CDH4: variants seen among roughly 807,000 people sequenced by gnomAD.
CDH4 encodes the protein cadherin 4, also known as cadherin-4.
Under a neutral mutation model 86.0 loss-of-function variants are expected in CDH4, and 33 were observed. The ratio of observed to expected loss-of-function variants is 0.38; its 90% CI spans 0.29 to 0.51. CDH4 has a LOEUF of 0.51. Ranked by LOEUF, CDH4 falls within the 20% of genes least tolerant of loss-of-function variation. The pLI, the probability that CDH4 is intolerant of heterozygous loss-of-function variation, is 0.86. For synonymous variants in CDH4, 555 were observed against 549.4 expected (o/e 1.01, Z -0.14); for missense variants, 1,114 against 1,307.4 (o/e 0.85, Z 2.28).
At chr20:61,728,149 A>G (rs1489704629) in intron 2 of CDH4, among the ~76,000 whole-genome samples, 4 of 135,604 alleles carry the variant, frequency 2.9e-5, no homozygotes, top group South Asian at 5.9e-4. Context: ...TCTAAACCCC[A>G]TCAGCCATAG....
At chr20:61,649,595 C>T (rs748548141) in intron 2 of CDH4, among the ~76,000 whole-genome samples, 3 of 152,302 alleles carry the variant, frequency 2.0e-5, no homozygotes, top group South Asian at 2.1e-4. Context: ...ACAGGTGCAT[C>T]GCTTCCTGCA....
At chr20:61,426,699 G>T (rs2085217300) in intron 2 of CDH4, among the ~76,000 whole-genome samples, 1 of 152,238 alleles carries the variant, frequency 6.6e-6, no homozygotes, top group Admixed American at 6.5e-5. Flanking sequence ...TTATCAAAGT[G>T]ACCTGAGCTG....
intron 3 of CDH4, among the ~76,000 whole-genome samples, chr20:61,762,419 C>T (rs1332202449): frequency 1.3e-5 from 2 of 152,250 alleles, no homozygotes; most frequent in South Asian, 4.1e-4. Context: ...CACATTTCCA[C>T]TTCTGGAGAC....
intron 2 of CDH4, among the ~76,000 whole-genome samples, chr20:61,292,686 C>T (rs574275707): frequency 6.6e-6 from 1 of 152,400 alleles, no homozygotes; most frequent in Non-Finnish European, 1.5e-5. Context: ...TGCAGACGCA[C>T]AGCGCACTCA....
At position 61,785,690 on chromosome 20, in the gene CDH4, G is replaced by A. The variant is rs187914953; in HGVS notation, c.576+12508G>A. On this transcript the variant is annotated intron_variant, in intron 4 of 15. Coordinates refer to ENST00000614565, the MANE Select transcript of CDH4 (RefSeq NM_001794.5). ...CCAGGTGTGCAGGGCTCCTACCCAG[G>A]TGTGTAGAGACCTTGCCCAGGTGGA... 9.8e-5 allele frequency among the ~76,000 whole-genome samples: 15 copies of A among 152,292 alleles called. No individual in the cohort carries two copies. The East Asian group carries it at 2.9e-3, about 29-fold the overall frequency.
At chr20:61,363,870 T>C (rs1173680567) in intron 2 of CDH4, among the ~76,000 whole-genome samples, 1 of 152,206 alleles carries the variant, frequency 6.6e-6, no homozygotes, top group Non-Finnish European at 1.5e-5. Flanking sequence ...TTCAACTTCA[T>C]GATGATGTGA....
intron 2 of CDH4, among the ~76,000 whole-genome samples, chr20:61,729,894 T>C (rs2088158415): frequency 6.6e-6 from 1 of 152,212 alleles, no homozygotes; most frequent in South Asian, 2.1e-4. Context: ...GTTTCACTGT[T>C]TTACTTTATA....
intron 2 of CDH4, among the ~76,000 whole-genome samples, chr20:61,361,665 A>T (rs972678985): frequency 2.0e-5 from 3 of 152,260 alleles, no homozygotes; most frequent in African/African-American, 7.2e-5. Context: ...GCAGCAGGTG[A>T]CGGACCCAAC....
rs140725585 is a variant in CDH4, at chr20:61,867,866, G to A, written c.878-5862G>A. Among the ~76,000 whole-genome samples the A allele has an allele frequency of 2.2e-3, 340 of 152,310 alleles. 1 individual carries two copies. The highest frequency in any genetic ancestry group is 7.9e-3 in the African/African-American group (328 of 41,570). On this transcript the variant is annotated intron_variant, in intron 6 of 15. Transcript: ENST00000614565. Reference sequence around the variant, plus strand: ...CGTAAACTAAGGTGGCCCACGAGGCGCGATGCATCTGCCAAGGTGAGCTGA... The same window carrying A: ...CGTAAACTAAGGTGGCCCACGAGGCACGATGCATCTGCCAAGGTGAGCTGA...
intron 4 of CDH4, among the ~76,000 whole-genome samples, chr20:61,801,475 C>A (rs1292909940): frequency 6.6e-6 from 1 of 152,222 alleles, no homozygotes; most frequent in Non-Finnish European, 1.5e-5. Flanking sequence ...AGTGGTCACT[C>A]CCTGTCTGTG....
chr20:61,507,732 G>A (rs764249940), intron 2 of CDH4, among the ~76,000 whole-genome samples: 11 of 152,112 alleles, frequency 7.2e-5, no homozygotes, highest in African/African-American at 1.4e-4. Context: ...ATCCTGGGAC[G>A]GGAAAGAGGC....
intron 2 of CDH4, among the ~76,000 whole-genome samples, chr20:61,533,389 G>A (rs1385388692): frequency 6.6e-6 from 1 of 152,242 alleles, no homozygotes; most frequent in African/African-American, 2.4e-5. Context: ...GCAACCCGCT[G>A]ATGTAAAGCT....
rs1600800040 is a variant in CDH4 at position 61,938,183 on chromosome 20, T to A, written c.*1240T>A. 1 of 152,348 alleles carries A rather than the reference T, an allele frequency of 6.6e-6. No individual in the cohort carries two copies. The highest frequency in any genetic ancestry group is 1.9e-4 in the East Asian group (1 of 5,166). The allele number at this position is 152,348 out of a possible 1,614,324, so 9.4% of individuals were successfully genotyped here. On this transcript the variant is annotated 3_prime_UTR_variant, in exon 16 of 16. Coordinates refer to ENST00000614565, the MANE Select transcript of CDH4 (RefSeq NM_001794.5). ...GCCTCTCCTCTCCTATGGACCCTCG[T>A]CGGGGGCAGGCAGCGGCCGGGTCCA...
intron 2 of CDH4, among the ~76,000 whole-genome samples, chr20:61,447,007 G>GT (rs1206369503): frequency 2.0e-5 from 3 of 152,082 alleles, no homozygotes; most frequent in African/African-American, 4.8e-5. Context: ...TTTAACTTAC[G>GT]TTTTTCCCTC....
rs553913894 is a variant in CDH4, at chr20:61,731,639, T to C, written c.170-11924T>C. On this transcript the variant is annotated intron_variant, in intron 2 of 15. Coordinates refer to ENST00000614565, the MANE Select transcript of CDH4 (RefSeq NM_001794.5). ...AAAGCGCCGTTTCCAGCGGGACGCC[T>C]CCTGCCAAGCCCAGAACTGCGCAGG... 2.4e-4 allele frequency among the ~76,000 whole-genome samples: 36 copies of C among 152,286 alleles called. 2 individuals are homozygous for C. In the South Asian group the frequency reaches 7.3e-3, roughly 31 times the overall value.
intron 2 of CDH4, among the ~76,000 whole-genome samples, chr20:61,450,795 A>G (rs2085375042): frequency 6.9e-6 from 1 of 145,662 alleles, no homozygotes; most frequent in African/African-American, 2.5e-5. Context: ...CCTGCTCTCC[A>G]ATGGAGAGAG....
At chr20:61,816,746 C>T (rs1265868777) in intron 4 of CDH4, among the ~76,000 whole-genome samples, 1 of 152,042 alleles carries the variant, frequency 6.6e-6, no homozygotes, top group Non-Finnish European at 1.5e-5. Context: ...GGCCTCAATT[C>T]ATCACCTGCC....
Position 61,393,147 on chromosome 20 carries a change from G to A in CDH4, c.169+138210G>A, listed in dbSNP as rs1357094066. 6.6e-6 allele frequency among the ~76,000 whole-genome samples: 1 copy of A among 152,156 alleles called. No homozygotes were observed. Among genetic ancestry groups the A allele is most frequent in the East Asian group, 1.9e-4 (1 of 5,194 alleles). ...CTTTATTATCTCATCTGACCTGAGG[G>A]CCTTCATTTGGTTTATACAGAGCAG... On this transcript the variant is annotated intron_variant, in intron 2 of 15. Coordinates refer to ENST00000614565, the MANE Select transcript of CDH4 (RefSeq NM_001794.5). The surrounding 1 kb of genome is among the most constrained non-coding windows in gnomAD (Gnocchi z 4.3).
At chr20:61,474,329 T>A (rs1268794745) in intron 2 of CDH4, among the ~76,000 whole-genome samples, 1 of 132,540 alleles carries the variant, frequency 7.5e-6, no homozygotes, top group African/African-American at 3.2e-5. Context: ...CCCAGCTAAT[T>A]TTTTTTTTTT....
Sources: allele counts gnomAD v4.1 joint callset (sites outside exome capture counted in the v4.1 genomes callset), GRCh38; gene constraint gnomAD v4.1.1; non-coding constraint Gnocchi (gnomAD v3.1); transcripts MANE v1.5; gene names NCBI Gene and HGNC (gene_info 2026-07-23, HGNC 2026-07-21).